Variants in CPVL observed in about 807,000 individuals in gnomAD.
CPVL encodes the protein probable serine carboxypeptidase CPVL.
A neutral mutation model predicts 63.7 loss-of-function variants in CPVL; 51 were observed. The ratio of observed to expected loss-of-function variants is 0.80; its 90% confidence interval spans 0.64 to 1.01. The LOEUF (loss-of-function observed/expected upper bound fraction) is 1.01. Among genes scored for constraint, CPVL ranks in the 50% least tolerant of loss-of-function variants. The pLI is 0.00. For synonymous variants in CPVL, 195 were observed against 206.0 expected (o/e 0.95, Z 0.46); for missense variants, 530 against 573.1 (o/e 0.92, Z 0.77).
intron 11 of CPVL, among the ~76,000 whole-genome samples, chr7:29,062,442 T>TA (rs1219257279): frequency 2.0e-5 from 3 of 152,228 alleles, no homozygotes; most frequent in Admixed American, 2.0e-4. Flanking sequence ...CTGACCTAGT[T>TA]AGACTCTTTC....
At chr7:29,146,876 T>G, upstream of CPVL, 1 of 1,551,192 alleles carries the variant, frequency 6.4e-7, no homozygotes, top group Non-Finnish European at 8.7e-7. Context: ...AGGATTTACA[T>G]TTGGAAAGCG....
At position 29,072,288 on chromosome 7, in the gene CPVL, A is replaced by C. The variant is rs757406173; in HGVS notation, c.732+13T>G. ...CTAAGAGACAAAATAGAAAGTCAGA[A>C]GGAGAAACCTACTGATTCGGGATCA... On this transcript the variant is annotated intron_variant, in intron 8 of 12. Transcript: ENST00000265394. 2.5e-6 allele frequency: 4 copies of C among 1,613,902 alleles called. No homozygotes were observed. In the Admixed American group the frequency reaches 6.7e-5, roughly 27 times the overall value.
Position 29,140,864 on chromosome 7 carries a change from A to G in CPVL, c.-11+5565T>C, listed in dbSNP as rs140770946. Reference sequence around the variant, plus strand: ...GTAAAACAAATGCATAAGTGAAAATAGAGCTTTTCTCCACTTCACCCTTAA... The same window carrying G: ...GTAAAACAAATGCATAAGTGAAAATGGAGCTTTTCTCCACTTCACCCTTAA... On this transcript the variant is annotated intron_variant, in intron 1 of 12. Transcript: ENST00000265394. 7.9e-5 allele frequency among the ~76,000 whole-genome samples: 12 copies of G among 152,358 alleles called. No homozygotes were observed. In the East Asian group the frequency reaches 2.1e-3, roughly 27 times the overall value.
At chr7:29,185,716 G>GA (rs1798625223) in intron 2 of CPVL, 1 of 152,138 alleles carries the variant, frequency 6.6e-6, no homozygotes, top group Admixed American at 6.5e-5. Context: ...CCTTCTGAGT[G>GA]ATTCTCATAT....
At chr7:29,137,954 A>T (rs1241479552) in intron 1 of CPVL, among the ~76,000 whole-genome samples, 1 of 152,350 alleles carries the variant, frequency 6.6e-6, no homozygotes, top group Admixed American at 6.5e-5. Context: ...AGTGACTAGG[A>T]ACTACTGAAG....
chr7:29,173,577 CT>C (rs1796886521), intron 5 of CPVL, among the ~76,000 whole-genome samples: 1 of 152,058 alleles, frequency 6.6e-6, no homozygotes, highest in Admixed American at 6.5e-5. Flanking sequence ...TAAAAAGCAT[CT>C]CTAATGAGAG....
intron 1 of CPVL, among the ~76,000 whole-genome samples, chr7:29,129,660 G>T (rs1350507808): frequency 6.6e-6 from 1 of 151,836 alleles, no homozygotes; most frequent in Non-Finnish European, 1.5e-5. Context: ...GTAGAGGTGG[G>T]GTTTCACCAT....
chr7:29,083,955 G>A (rs1040497078), intron 7 of CPVL, among the ~76,000 whole-genome samples: 6 of 151,238 alleles, frequency 4.0e-5, no homozygotes, highest in Admixed American at 1.3e-4. Flanking sequence ...TTCAAGACTC[G>A]TGGATCAGAG....
intron 5 of CPVL, among the ~76,000 whole-genome samples, chr7:29,092,929 GC>G (rs1785974900): frequency 6.6e-6 from 1 of 152,134 alleles, no homozygotes; most frequent in South Asian, 2.1e-4. Flanking sequence ...ACAGAGCTTT[GC>G]CCTGGGGTCA....
intron 5 of CPVL, 78 bp downstream of exon 5, chr7:29,095,006 A>T: frequency 1.0e-6 from 1 of 984,594 alleles, no homozygotes; most frequent in South Asian, 1.4e-5. Context: ...CTATTTTTTA[A>T]ATGTACTTAA....
chr7:29,105,361 G>T (rs1231221868), intron 3 of CPVL, among the ~76,000 whole-genome samples: 1 of 152,154 alleles, frequency 6.6e-6, no homozygotes, highest in African/African-American at 2.4e-5. Context: ...GGTAAACTTG[G>T]AAATGAAAGG....
chr7:29,006,796 C>T (rs1785239799), intron 12 of CPVL, among the ~76,000 whole-genome samples: 1 of 152,132 alleles, frequency 6.6e-6, no homozygotes, highest in Admixed American at 6.6e-5. Context: ...TACTGCCAAC[C>T]CCAAAACTGT....
chr7:29,087,213 C>G (rs1166818894), intron 6 of CPVL, among the ~76,000 whole-genome samples: 1 of 152,024 alleles, frequency 6.6e-6, no homozygotes, highest in Non-Finnish European at 1.5e-5. Flanking sequence ...ATAACGAGGT[C>G]AGGAGTTCGA....
rs760520722 is a variant in CPVL, at chr7:29,036,202, C to T, written c.1138-5443G>A. Among the ~76,000 whole-genome samples the T allele has an allele frequency of 5.3e-5, 8 of 152,268 alleles. No individual in the cohort carries two copies. The South Asian group carries it at 8.3e-4, about 16-fold the overall frequency. Reference sequence around the variant, plus strand: ...ATGCCAACACACCATAACTGGAACTCGTAGACATGTGGGTGAACTTCCAAG... The same window carrying T: ...ATGCCAACACACCATAACTGGAACTTGTAGACATGTGGGTGAACTTCCAAG... On this transcript the variant is annotated intron_variant, in intron 11 of 12. Transcript: ENST00000265394.
chr7:29,001,563 C>G (rs755621565), intron 12 of CPVL, among the ~76,000 whole-genome samples: 11 of 152,136 alleles, frequency 7.2e-5, no homozygotes, highest in Non-Finnish European at 1.6e-4. Context: ...CAGACACTTC[C>G]TAACAAAGAA....
Position 28,995,876 on chromosome 7 carries a change from T to A in CPVL, c.1327A>T (p.Ile443Phe). The stretch of plus-strand genomic sequence containing the variant: ...GGTAAAATATGTCCTCCACCTCGAA[T>A]AATTACCTTAAAAAGAAAAAGTAAA... ...RQAGDFHQVI[I>F]RGGGHILPYD... is the part of the protein sequence containing the mutation. Residue 443 changes from isoleucine to phenylalanine, a missense_variant, in exon 13 of 13, where the codon ATT (isoleucine) becomes TTT (phenylalanine). Coordinates refer to ENST00000265394, the MANE Select transcript of CPVL (RefSeq NM_031311.5). The A allele has an allele frequency of 6.4e-7, 1 of 1,559,150 alleles. No individual in the cohort carries two copies. The highest frequency in any genetic ancestry group is 8.7e-7 in the Non-Finnish European group (1 of 1,149,044).
At chr7:29,135,795 CTCAAGCAA>C (rs1289452496) in intron 1 of CPVL, among the ~76,000 whole-genome samples, 1 of 152,196 alleles carries the variant, frequency 6.6e-6, no homozygotes, top group East Asian at 1.9e-4. Context: ...AGCTTGCAGG[CTCAAGCAA>C]TCATCCCACC....
chr7:29,012,345 T>C (rs1785935979), intron 12 of CPVL: 1 of 152,230 alleles, frequency 6.6e-6, no homozygotes, highest in Admixed American at 6.5e-5. Flanking sequence ...GACACACTAC[T>C]ATCTAAGAGC....
rs186003955 is a variant in CPVL at position 29,062,447 on chromosome 7, T to C, written c.1137+1614A>G. Among the ~76,000 whole-genome samples, 3 of 152,324 alleles carry C rather than the reference T, an allele frequency of 2.0e-5. No individual in the cohort carries two copies. In the East Asian group the frequency reaches 5.8e-4, roughly 29 times the overall value. On this transcript the variant is annotated intron_variant, in intron 11 of 12. Transcript: ENST00000265394. ...AAATGCTGGCCTGACCTAGTTAGAC[T>C]CTTTCTTTCCAAGAAAGTAAGTATT...
Sources: gnomAD v4.1 joint callset for allele counts (sites outside exome capture counted in the v4.1 genomes callset) on GRCh38, gnomAD v4.1.1 for gene constraint, MANE v1.5 for transcripts, NCBI Gene and HGNC (gene_info 2026-07-23, HGNC 2026-07-21) for gene names.